The following ELF2 variants were observed in gnomAD, a reference collection of about 807,000 sequenced individuals.
The protein encoded by ELF2 is ETS-related transcription factor Elf-2.
In ELF2, 11 loss-of-function variants were observed where a neutral mutation model predicts 54.8. That is an observed-to-expected ratio of 0.20 (90% CI 0.13 to 0.33). The LOEUF is 0.33. ELF2 is among the 10% of genes least tolerant of loss of function. ELF2 has a pLI of 1.00. For missense variants in ELF2, 513 were observed against 703.0 expected (o/e 0.73, Z 3.06); for synonymous variants, 203 against 245.1 (o/e 0.83, Z 1.61).
At chr4:139,169,266 T>C (rs1292993368) in intron 1 of ELF2, among the ~76,000 whole-genome samples, 2 of 149,592 alleles carry the variant, frequency 1.3e-5, no homozygotes, top group African/African-American at 2.5e-5. Context: ...GAGAATCACT[T>C]GAACCCGGGA....
chr4:139,143,153 T>A (rs1350891768), intron 1 of ELF2, among the ~76,000 whole-genome samples: 2 of 152,164 alleles, frequency 1.3e-5, no homozygotes, highest in Admixed American at 1.3e-4. Flanking sequence ...TTAATTTCGG[T>A]CATTCTAGCT....
intron 3 of ELF2, among the ~76,000 whole-genome samples, chr4:139,131,080 A>G (rs1737445011): frequency 6.6e-6 from 1 of 152,234 alleles, no homozygotes; most frequent in South Asian, 2.1e-4. Flanking sequence ...TACTTTGCTC[A>G]AGTCACCATG....
At chr4:139,171,225 CA>C (rs1284107987) in intron 1 of ELF2, among the ~76,000 whole-genome samples, 1 of 152,002 alleles carries the variant, frequency 6.6e-6, no homozygotes, top group African/African-American at 2.4e-5. Flanking sequence ...CCCATCGCTA[CA>C]AAAAATAAAA....
chr4:139,067,860 T>C, intron 6 of ELF2, 90 bp from the exon 7 acceptor site: 8 of 1,206,080 alleles, frequency 6.6e-6, no homozygotes, highest in South Asian at 1.5e-5. Flanking sequence ...ACATTATTCA[T>C]TTAAATGGAT....
rs537454430 is a variant in ELF2, at chr4:139,133,874, T to C, written c.72+3756A>G. Among the ~76,000 whole-genome samples, 66 of 152,352 alleles carry C rather than the reference T, an allele frequency of 4.3e-4. 1 individual carries two copies. The South Asian group carries it at 7.5e-3, about 17-fold the overall frequency. On this transcript the variant is annotated intron_variant, in intron 3 of 9. Coordinates refer to ENST00000686138, the MANE Select transcript of ELF2 (RefSeq NM_001331036.3). ...ACACTCACCTCATATCCTCTGGCTA[T>C]TCTAAATTTATTAGTTCTAATAGTG...
At chr4:139,065,122 T>A (rs1467608811) in intron 7 of ELF2, among the ~76,000 whole-genome samples, 1 of 152,178 alleles carries the variant, frequency 6.6e-6, no homozygotes. Flanking sequence ...GCCCTGTACA[T>A]AAGATATCTG....
chr4:139,128,734 C>G (rs1392476081), intron 3 of ELF2, among the ~76,000 whole-genome samples: 2 of 151,792 alleles, frequency 1.3e-5, no homozygotes, highest in Non-Finnish European at 2.9e-5. Context: ...GTTGCCCAGG[C>G]TGGTCTTGAA....
chr4:139,153,482 C>A (rs756173287), intron 1 of ELF2, among the ~76,000 whole-genome samples: 30 of 151,884 alleles, frequency 2.0e-4, no homozygotes, highest in Admixed American at 4.6e-4. Context: ...GGAAAAAAAT[C>A]TTGGGACCTC....
chr4:139,074,689 G>A (rs917704794), intron 4 of ELF2, among the ~76,000 whole-genome samples: 6 of 151,694 alleles, frequency 4.0e-5, no homozygotes, highest in Non-Finnish European at 7.4e-5. Flanking sequence ...GAACCTGGGA[G>A]GCGGAGGTTG....
At chr4:139,101,055 A>C (rs1315669391) in intron 4 of ELF2, among the ~76,000 whole-genome samples, 1 of 152,222 alleles carries the variant, frequency 6.6e-6, no homozygotes, top group Non-Finnish European at 1.5e-5. Context: ...AGGTATAAAT[A>C]AATGACTTCT....
At position 139,139,421 on chromosome 4, in the gene ELF2, T is replaced by C. The variant is rs1560857229; in HGVS notation, c.-175A>G. 1.6e-6 allele frequency: 2 copies of C among 1,226,780 alleles called. No homozygotes were observed. Among genetic ancestry groups the C allele is most frequent in the Non-Finnish European group, 2.0e-6 (2 of 984,050 alleles). 76.0% of individuals were successfully genotyped at this position (1,226,780 alleles called of 1,614,324 possible). On this transcript the variant is annotated 5_prime_UTR_variant, in exon 2 of 10. Transcript: ENST00000686138. ...AAATAAATTTTACTTACAGTTTGTA[T>C]GTTAAGTAGTCTAAGCATCCTTCAC... is the stretch of plus-strand genomic sequence containing the variant.
chr4:139,151,073 AAAG>A (rs1486019301), intron 1 of ELF2, among the ~76,000 whole-genome samples: 2 of 149,474 alleles, frequency 1.3e-5, no homozygotes. Context: ...AGAAAGAAAG[AAAG>A]AAAGAAAGAA....
chr4:139,081,340 A>C lies in ELF2; in HGVS notation c.239-7773T>G, dbSNP rs76740820. ...TACTTAACACCTCAAAAGGAAGAAAAGCAAAAGTATATTCGAGCTTAACAT... is the reference window on the plus strand; with the variant it reads ...TACTTAACACCTCAAAAGGAAGAAACGCAAAAGTATATTCGAGCTTAACAT... On this transcript the variant is annotated intron_variant, in intron 4 of 9. Transcript: ENST00000686138. Among the ~76,000 whole-genome samples the C allele has an allele frequency of 3.3e-3, 506 of 152,306 alleles. 2 individuals are homozygous for C. The highest frequency in any genetic ancestry group is 0.012 in the African/African-American group (479 of 41,576).
At chr4:139,089,190 C>T (rs1037499372) in intron 4 of ELF2, among the ~76,000 whole-genome samples, 2 of 152,116 alleles carry the variant, frequency 1.3e-5, no homozygotes, top group Non-Finnish European at 2.9e-5. Context: ...CAACTGATAC[C>T]TAAAGATCCT....
intron 1 of ELF2, among the ~76,000 whole-genome samples, chr4:139,164,360 G>A (rs1741510673): frequency 6.6e-6 from 1 of 152,164 alleles, no homozygotes; most frequent in Admixed American, 6.5e-5. Flanking sequence ...CTTTGGTCAG[G>A]CACGGTGGCT....
chr4:139,093,917 TGAGA>T (rs1381813853), intron 4 of ELF2, among the ~76,000 whole-genome samples: 1 of 84,860 alleles, frequency 1.2e-5, no homozygotes, highest in Admixed American at 1.2e-4. Flanking sequence ...TTTTTTTTTT[TGAGA>T]CGGAGTTTAA....
chr4:139,118,612 G>A (rs560679312), intron 4 of ELF2, among the ~76,000 whole-genome samples: 1 of 152,006 alleles, frequency 6.6e-6, no homozygotes, highest in African/African-American at 2.4e-5. Context: ...AATGATAAAT[G>A]GAGATGCCAG....
chr4:139,160,829 G>A (rs1741060549), intron 1 of ELF2, among the ~76,000 whole-genome samples: 1 of 152,042 alleles, frequency 6.6e-6, no homozygotes, highest in African/African-American at 2.4e-5. Context: ...CGGGCATAGT[G>A]GCTCACACCT....
At chr4:139,137,570 A>G (rs1234264867) in intron 3 of ELF2, 60 bp downstream of exon 3, 1 of 1,531,206 alleles carries the variant, frequency 6.5e-7, no homozygotes, top group Non-Finnish European at 9.0e-7. Flanking sequence ...TAATTTCAAA[A>G]TTAGTTCATG....
Sources: gnomAD v4.1 joint callset for allele counts (sites outside exome capture counted in the v4.1 genomes callset) on GRCh38, gnomAD v4.1.1 for gene constraint, MANE v1.5 for transcripts, NCBI Gene and HGNC (gene_info 2026-07-23, HGNC 2026-07-21) for gene names.